LRP8: variants seen among roughly 807,000 people sequenced by gnomAD.
LRP8 encodes the protein low-density lipoprotein receptor-related protein 8.
In LRP8, 46 loss-of-function variants were observed where a neutral mutation model predicts 111.6. That is an observed-to-expected ratio of 0.41 (90% CI 0.33 to 0.53). The LOEUF (loss-of-function observed/expected upper bound fraction) is 0.53, where lower values mean the gene tolerates loss of function less well. Among genes scored for constraint, LRP8 ranks in the 20% least tolerant of loss-of-function variants. The pLI is 0.20. For synonymous variants in LRP8, 464 were observed against 511.2 expected (o/e 0.91, Z 1.24); for missense variants, 959 against 1,297.4 (o/e 0.74, Z 4.01).
intron 3 of LRP8, among the ~76,000 whole-genome samples, chr1:53,287,743 G>T (rs552066940): frequency 6.6e-6 from 1 of 152,312 alleles, no homozygotes; most frequent in Admixed American, 6.5e-5. Flanking sequence ...CAGGAGGAAT[G>T]AGGCAGGAGG....
chr1:53,326,767 C>A, intron 2 of LRP8, 106 bp downstream of exon 2: 2 of 1,488,858 alleles, frequency 1.3e-6, no homozygotes, highest in Non-Finnish European at 1.8e-6. Flanking sequence ...CGGCAAGTCC[C>A]GCGCAGGTGG....
intron 6 of LRP8, 109 bp from the exon 7 acceptor site, chr1:53,271,455 T>G: frequency 1.6e-6 from 2 of 1,278,400 alleles, no homozygotes; most frequent in Non-Finnish European, 2.2e-6. Context: ...GGGACTCCCA[T>G]AGAGGCAGGA....
chr1:53,295,747 G>A (rs1230891350), intron 2 of LRP8, among the ~76,000 whole-genome samples: 1 of 152,188 alleles, frequency 6.6e-6, no homozygotes, highest in East Asian at 1.9e-4. Flanking sequence ...AAAGATATCT[G>A]ATTGACGGTT....
chr1:53,277,709 C>T (rs1221839723), intron 4 of LRP8, among the ~76,000 whole-genome samples: 4 of 152,252 alleles, frequency 2.6e-5, no homozygotes, highest in Non-Finnish European at 5.9e-5. Flanking sequence ...GAGCTCTCAT[C>T]TTCCAAGGGC....
At chr1:53,291,774 A>T (rs753026546) in intron 2 of LRP8, 1 of 152,216 alleles carries the variant, frequency 6.6e-6, no homozygotes, top group Non-Finnish European at 1.5e-5. Flanking sequence ...ACATTAGATA[A>T]ATGAGTGAGC....
chr1:53,276,463 GAC>G (rs990824549), intron 5 of LRP8, among the ~76,000 whole-genome samples: 6 of 152,230 alleles, frequency 3.9e-5, no homozygotes, highest in Admixed American at 2.6e-4. Flanking sequence ...TCACAGCAGG[GAC>G]ACAGATACCA....
At chr1:53,251,568 G>A (rs1295870168) in intron 16 of LRP8, among the ~76,000 whole-genome samples, 1 of 150,518 alleles carries the variant, frequency 6.6e-6, no homozygotes, top group African/African-American at 2.5e-5. Flanking sequence ...GTCACTCTGA[G>A]CATCCCAGTG....
intron 10 of LRP8, 125 bp downstream of exon 10, chr1:53,264,044 C>T: frequency 1.1e-6 from 1 of 902,718 alleles, no homozygotes; most frequent in South Asian, 1.7e-5. Context: ...ACAAGACTTT[C>T]TTCCCCATGG....
At chr1:53,296,807 C>T (rs1212977791) in intron 2 of LRP8, among the ~76,000 whole-genome samples, 1 of 152,256 alleles carries the variant, frequency 6.6e-6, no homozygotes, top group Non-Finnish European at 1.5e-5. Context: ...GGCCGTCCCA[C>T]TACCAGAGCC....
rs1280117680 is a variant in LRP8 at position 53,276,678 on chromosome 1, T to C, written c.883+14A>G. ...AATCCCTGGGCGGGGCTGGGCGGTA[T>C]GGAGGGGGCTTACGGCAGTCGGCCT... is the stretch of plus-strand genomic sequence containing the variant. On this transcript the variant is annotated intron_variant, in intron 5 of 18. Transcript: ENST00000306052. The C allele has an allele frequency of 1.3e-6, 2 of 1,529,072 alleles. No homozygotes were observed. The highest frequency in any genetic ancestry group is 1.9e-5 in the Admixed American group (1 of 53,546). The allele number at this position is 1,529,072 out of a possible 1,614,324, so 94.7% of individuals were successfully genotyped here.
At chr1:53,269,683 AC>A (rs1307497019) in intron 8 of LRP8, among the ~76,000 whole-genome samples, 1 of 151,140 alleles carries the variant, frequency 6.6e-6, no homozygotes, top group Non-Finnish European at 1.5e-5. Context: ...TAAAACTAGA[AC>A]CCCCTGCTCA....
At chr1:53,287,767 C>G (rs1647820850) in intron 3 of LRP8, among the ~76,000 whole-genome samples, 1 of 151,962 alleles carries the variant, frequency 6.6e-6, no homozygotes, top group Non-Finnish European at 1.5e-5. Context: ...CCTGCCCAGC[C>G]CAGGGGATGG....
In LRP8 at chr1:53,327,712, C is replaced by A. The variant is rs1031701287; in HGVS notation, c.124+77G>T. 6 of 1,363,412 alleles carry A rather than the reference C, an allele frequency of 4.4e-6. No individual in the cohort carries two copies. The African/African-American group carries it at 7.6e-5, about 17-fold the overall frequency. 84.5% of individuals were successfully genotyped at this position (1,363,412 alleles called of 1,614,324 possible). On this transcript the variant is annotated intron_variant, in intron 1 of 18. Coordinates refer to ENST00000306052, the MANE Select transcript of LRP8 (RefSeq NM_004631.5). ...GATAGCCCCGGGTTCTGGACCCCTC[C>A]CCGCTCCGGCCTCCCGGCCGCGCTT...
At chr1:53,254,810 G>A (rs1331680134) in intron 16 of LRP8, among the ~76,000 whole-genome samples, 2 of 152,174 alleles carry the variant, frequency 1.3e-5, no homozygotes, top group Non-Finnish European at 2.9e-5. Flanking sequence ...GGAGAATGGT[G>A]AGCAAGAGAT....
At position 53,293,820 on chromosome 1, in the gene LRP8, A is replaced by G. The variant is rs1459382154; in HGVS notation, c.245-4131T>C. On this transcript the variant is annotated intron_variant, in intron 2 of 18. Coordinates refer to ENST00000306052, the MANE Select transcript of LRP8 (RefSeq NM_004631.5). The surrounding 1 kb of genome is among the most constrained non-coding windows in gnomAD (Gnocchi z 4.9). ...ACCATATGGAAGGATCTGGAGTCAGAGTGGAGACTGACTCCTGGCATAGCC... is the reference window on the plus strand; with the variant it reads ...ACCATATGGAAGGATCTGGAGTCAGGGTGGAGACTGACTCCTGGCATAGCC... Among the ~76,000 whole-genome samples the G allele has an allele frequency of 1.3e-5, 2 of 152,198 alleles. No individual in the cohort carries two copies. Among genetic ancestry groups the G allele is most frequent in the Non-Finnish European group, 2.9e-5 (2 of 68,040 alleles).
At chr1:53,327,022 C>T in intron 1 of LRP8, 30 bp from the exon 2 acceptor site, 1 of 1,608,442 alleles carries the variant, frequency 6.2e-7, no homozygotes, top group East Asian at 2.2e-5. Flanking sequence ...TGAGCTGGAT[C>T]AGCGGACTCG....
Position 53,317,770 on chromosome 1 carries a change from T to G in LRP8, c.244+9103A>C, listed in dbSNP as rs996357550. ...GAAAGTCTCATGAAGCTGGTGGGCCTCACTCCATTTTTCTCCATCACTGCA... is the reference window on the plus strand; with the variant it reads ...GAAAGTCTCATGAAGCTGGTGGGCCGCACTCCATTTTTCTCCATCACTGCA... On this transcript the variant is annotated intron_variant, in intron 2 of 18. Coordinates refer to ENST00000306052, the MANE Select transcript of LRP8 (RefSeq NM_004631.5). The surrounding 1 kb of genome is among the most constrained non-coding windows in gnomAD (Gnocchi z 4.9). Among the ~76,000 whole-genome samples the G allele has an allele frequency of 1.3e-5, 2 of 152,176 alleles. No individual in the cohort carries two copies. The highest frequency in any genetic ancestry group is 2.9e-5 in the Non-Finnish European group (2 of 68,026).
intron 2 of LRP8, among the ~76,000 whole-genome samples, chr1:53,324,881 A>C (rs1175769591): frequency 1.3e-5 from 2 of 152,222 alleles, no homozygotes; most frequent in Non-Finnish European, 2.9e-5. Context: ...CGAGGCAGGC[A>C]GAGATCCTGA....
intron 2 of LRP8, among the ~76,000 whole-genome samples, chr1:53,318,077 AG>A (rs1321149062): frequency 6.6e-6 from 1 of 152,242 alleles, no homozygotes; most frequent in Non-Finnish European, 1.5e-5. Flanking sequence ...AGGTGGAATA[AG>A]GACCAATGAG....
Sources: allele counts gnomAD v4.1 joint callset (sites outside exome capture counted in the v4.1 genomes callset), GRCh38; gene constraint gnomAD v4.1.1; non-coding constraint Gnocchi (gnomAD v3.1); transcripts MANE v1.5; gene names NCBI Gene and HGNC (gene_info 2026-07-23, HGNC 2026-07-21).